TASOR2: variants seen among roughly 807,000 people sequenced by gnomAD.
TASOR2 encodes transcription activation suppressor family member 2.
TASOR2 carries 84 observed loss-of-function variants against 199.5 expected under a neutral mutation model. The observed-to-expected ratio is 0.42, with a 90% CI of 0.35 to 0.50. TASOR2 has a LOEUF of 0.50. Among genes scored for constraint, TASOR2 ranks in the 20% least tolerant of loss-of-function variants. The pLI is 0.02. For missense variants in TASOR2, 2,796 were observed against 2,835.9 expected (o/e 0.99, Z 0.32); for synonymous variants, 1,103 against 1,046.6 (o/e 1.05, Z -1.04).
intron 10 of TASOR2, among the ~76,000 whole-genome samples, chr10:5,729,023 T>C (rs1834437388): frequency 6.6e-6 from 1 of 152,220 alleles, no homozygotes. Context: ...ATGAACTTGC[T>C]AACTTTTTGC....
rs903899607 is a variant in TASOR2, at chr10:5,685,799, T to C, written c.-288+624T>C. On this transcript the variant is annotated intron_variant, in intron 1 of 20. Coordinates refer to ENST00000328090, the Ensembl canonical transcript of TASOR2. This position sits in a 1 kb window ranked among gnomAD's most constrained non-coding sequence, Gnocchi z 5.4. ...TACTTTGGGAATTCTCAAGTTTCTC[T>C]TAGTCGCTTCTTGTCTATTTGAAAT... Among the ~76,000 whole-genome samples, 1 of 152,250 alleles carries C rather than the reference T, an allele frequency of 6.6e-6. No homozygotes were observed. The highest frequency in any genetic ancestry group is 2.4e-5 in the African/African-American group (1 of 41,468).
chr10:5,692,245 G>A (rs1836523141), intron 1 of TASOR2, among the ~76,000 whole-genome samples: 2 of 151,640 alleles, frequency 1.3e-5, no homozygotes, highest in South Asian at 4.2e-4. Context: ...TTAAAAAGCT[G>A]CATCAAACTG....
chr10:5,702,492 A>G (rs1161469354), intron 1 of TASOR2, among the ~76,000 whole-genome samples: 4 of 152,076 alleles, frequency 2.6e-5, no homozygotes, highest in African/African-American at 4.8e-5. Context: ...CTCCTCTTCA[A>G]TTTTTTGAAG....
At chr10:5,718,904 T>G (rs771373726) in intron 3 of TASOR2, among the ~76,000 whole-genome samples, 2 of 152,158 alleles carry the variant, frequency 1.3e-5, no homozygotes, top group Non-Finnish European at 2.9e-5. Flanking sequence ...AGCATTTCGT[T>G]TTTTACTTAG....
chr10:5,758,744 A>AT (rs1311738014), intron 17 of TASOR2, 143 bp from the exon 19 acceptor site: 10 of 630,536 alleles, frequency 1.6e-5, no homozygotes, highest in Non-Finnish European at 2.8e-5. Flanking sequence ...GCCCAACCAC[A>AT]TAAGTGACAG....
At chr10:5,735,452 G>A (rs757604945) in exon 12 of TASOR2, 2 of 1,613,900 alleles carry the variant, frequency 1.2e-6, no homozygotes, top group East Asian at 2.2e-5. Flanking sequence ...CTGTTCCAAG[G>A]GCTAAGCCAC....
chr10:5,757,204 G>A (rs1232058628), intron 16 of TASOR2, among the ~76,000 whole-genome samples: 3 of 152,206 alleles, frequency 2.0e-5, no homozygotes, highest in Non-Finnish European at 2.9e-5. Context: ...GACGAATGAC[G>A]GCGAAGTGAG....
rs1164929726 is a variant in TASOR2 at position 5,727,037 on chromosome 10, T to C, written c.425-24T>C. The C allele has an allele frequency of 9.9e-6, 16 of 1,613,934 alleles. No homozygotes were observed. The East Asian group carries it at 3.6e-4, about 36-fold the overall frequency. ...ATAAGATCAACAACCTAACTTTTCT[T>C]CTTCTGATTCTCATTCTGCATAGAT... On this transcript the variant is annotated intron_variant, in intron 9 of 20. Transcript: ENST00000328090.
chr10:5,687,742 C>T lies in TASOR2; in HGVS notation c.-288+2567C>T, dbSNP rs1835952364. On this transcript the variant is annotated intron_variant, in intron 1 of 20. Transcript: ENST00000328090. The surrounding 1 kb of genome is among the most constrained non-coding windows in gnomAD (Gnocchi z 4.8). ...GGCCGAGACAAGAGAATCACTTGAA[C>T]CTGGGAGACAGGTTGCAGTGAGCCA... Among the ~76,000 whole-genome samples the T allele has an allele frequency of 6.6e-6, 1 of 152,220 alleles. No individual in the cohort carries two copies. The highest frequency in any genetic ancestry group is 2.4e-5 in the African/African-American group (1 of 41,450).
In TASOR2 at chr10:5,698,424, C is replaced by T. The variant is rs867123280; in HGVS notation, c.-288+13249C>T. ...GGTCTGTTAATAAACATTAGTTAAC[C>T]GAACAGTTATATGATTAAAAATAAA... On this transcript the variant is annotated intron_variant, in intron 1 of 20. Coordinates refer to ENST00000328090, the Ensembl canonical transcript of TASOR2. The surrounding 1 kb of genome is among the most constrained non-coding windows in gnomAD (Gnocchi z 4.4). Among the ~76,000 whole-genome samples, 4 of 151,724 alleles carry T rather than the reference C, an allele frequency of 2.6e-5. No homozygotes were observed. The highest frequency in any genetic ancestry group is 7.3e-5 in the African/African-American group (3 of 41,264).
Position 5,752,313 on chromosome 10 carries a change from A to G in TASOR2, c.6606+2286A>G, listed in dbSNP as rs956043762. Among the ~76,000 whole-genome samples, 6 of 152,354 alleles carry G rather than the reference A, an allele frequency of 3.9e-5. No homozygotes were observed. The highest frequency in any genetic ancestry group is 1.4e-4 in the African/African-American group (6 of 41,586). ...TGTGACGCAGGTGCCACGAGGACGC[A>G]TTGAGGGTGATTGGCCTGGCCGGGG... On this transcript the variant is annotated intron_variant, in intron 15 of 20. Coordinates refer to ENST00000328090, the Ensembl canonical transcript of TASOR2. This position sits in a 1 kb window ranked among gnomAD's most constrained non-coding sequence, Gnocchi z 4.4.
At chr10:5,746,583 C>T (rs777731195) in exon 15 of TASOR2, 5 of 1,613,958 alleles carry the variant, frequency 3.1e-6, no homozygotes, top group Admixed American at 3.3e-5. Context: ...CAATTACTCT[C>T]ACCTTTGAAA....
intron 1 of TASOR2, among the ~76,000 whole-genome samples, chr10:5,703,797 C>T (rs550192597): frequency 2.6e-4 from 40 of 152,124 alleles, no homozygotes; most frequent in Middle Eastern, 3.4e-3. Context: ...CCACCGCGCC[C>T]GGCCTCTGAT....
chr10:5,731,912 T>C (rs1834872360), intron 11 of TASOR2, among the ~76,000 whole-genome samples: 1 of 152,172 alleles, frequency 6.6e-6, no homozygotes, highest in Admixed American at 6.5e-5. Flanking sequence ...TCAACACCTA[T>C]CGAGAGGAGG....
At chr10:5,723,642 A>G (rs1833665470) in intron 6 of TASOR2, 35 bp from the exon 8 acceptor site, 1 of 1,325,942 alleles carries the variant, frequency 7.5e-7, no homozygotes, top group African/African-American at 1.5e-5. Context: ...TCCACTGTTT[A>G]TTATTCTGCT....
rs779528948 is a variant in TASOR2, at chr10:5,720,988, T to G, written c.146+18T>G. 3.2e-6 allele frequency: 5 copies of G among 1,569,192 alleles called. No individual in the cohort carries two copies. The highest frequency in any genetic ancestry group is 4.3e-6 in the Non-Finnish European group (5 of 1,152,248). Reference sequence around the variant, plus strand: ...ACACAGCTGTAAGTATTAAATGTTATGTCCTTTACTAATGCTTATATTACA... The same window carrying G: ...ACACAGCTGTAAGTATTAAATGTTAGGTCCTTTACTAATGCTTATATTACA... On this transcript the variant is annotated intron_variant, in intron 6 of 20. Coordinates refer to ENST00000328090, the Ensembl canonical transcript of TASOR2. The surrounding 1 kb of genome is among the most constrained non-coding windows in gnomAD (Gnocchi z 5.3).
chr10:5,740,366 C>T lies in TASOR2; in HGVS notation c.2196C>T (p.Cys732=). The stretch of plus-strand genomic sequence containing the variant: ...CTGCCCGTGTGAAAAAATCTTCTTG[C>T]TCTCGTATAGTGCTTAGCTGTGATG... The change falls in exon 13 of 21, where the codon TGC becomes TGT. Residue 732 remains cysteine (C), a synonymous_variant. Coordinates refer to ENST00000328090, the Ensembl canonical transcript of TASOR2. The surrounding 1 kb of genome is among the most constrained non-coding windows in gnomAD (Gnocchi z 5.3). 6.2e-7 allele frequency: 1 copy of T among 1,614,216 alleles called. No individual in the cohort carries two copies.
At chr10:5,716,211 T>C (rs1832608659) in intron 2 of TASOR2, among the ~76,000 whole-genome samples, 1 of 152,230 alleles carries the variant, frequency 6.6e-6, no homozygotes, top group Non-Finnish European at 1.5e-5. Context: ...CAAAATGTTA[T>C]ATTATACAAT....
rs1833472405 is a variant in TASOR2 at position 5,722,339 on chromosome 10, C to G, written c.147-1338C>G. ...GGCGTGGTGGCACGTGCCTGTGATCCTAGCTACTGGGGACGCTGAGGCAGG... is the reference window on the plus strand; with the variant it reads ...GGCGTGGTGGCACGTGCCTGTGATCGTAGCTACTGGGGACGCTGAGGCAGG... On this transcript the variant is annotated intron_variant, in intron 6 of 20. Coordinates refer to ENST00000328090, the Ensembl canonical transcript of TASOR2. This position sits in a 1 kb window ranked among gnomAD's most constrained non-coding sequence, Gnocchi z 4.0. 6.6e-6 allele frequency among the ~76,000 whole-genome samples: 1 copy of G among 152,076 alleles called. No homozygotes were observed. Among genetic ancestry groups the G allele is most frequent in the Admixed American group, 6.6e-5 (1 of 15,260 alleles).
Sources: gnomAD v4.1 joint callset for allele counts (sites outside exome capture counted in the v4.1 genomes callset) on GRCh38, gnomAD v4.1.1 for gene constraint, Gnocchi (gnomAD v3.1) non-coding constraint, MANE v1.5 for transcripts, NCBI Gene and HGNC (gene_info 2026-07-23, HGNC 2026-07-21) for gene names.